The following RALYL variants were observed in gnomAD, a reference collection of about 807,000 sequenced individuals.
RALYL encodes RNA-binding Raly-like protein.
In RALYL, 29 loss-of-function variants were observed where a neutral mutation model predicts 35.1. The observed-to-expected ratio is 0.83, with a 90% CI of 0.61 to 1.13. RALYL has a LOEUF of 1.13. RALYL is among the 50% of genes most tolerant of loss of function. The pLI is 0.00. For missense variants in RALYL, 359 were observed against 360.4 expected (o/e 1.00, Z 0.03); for synonymous variants, 120 against 127.6 (o/e 0.94, Z 0.40).
At chr8:84,195,220 T>A (rs527450524) in intron 1 of RALYL, among the ~76,000 whole-genome samples, 2 of 152,110 alleles carry the variant, frequency 1.3e-5, no homozygotes, top group Non-Finnish European at 2.9e-5. Flanking sequence ...CGGGGATCTA[T>A]TATATGTAAG....
At chr8:84,786,189 C>T (rs975194402) in intron 3 of RALYL, among the ~76,000 whole-genome samples, 2 of 152,170 alleles carry the variant, frequency 1.3e-5, no homozygotes, top group South Asian at 4.1e-4. Flanking sequence ...TAGTATTCCA[C>T]AGTATACGTA....
At chr8:84,833,863 A>G (rs545719270) in intron 4 of RALYL, among the ~76,000 whole-genome samples, 164 of 151,716 alleles carry the variant, frequency 1.1e-3, no homozygotes, top group Middle Eastern at 3.5e-3. Context: ...AGACAATGAA[A>G]TTATTTGATA....
chr8:84,794,239 A>G (rs1821416066), intron 3 of RALYL, among the ~76,000 whole-genome samples: 1 of 152,250 alleles, frequency 6.6e-6, no homozygotes, highest in Non-Finnish European at 1.5e-5. Flanking sequence ...TCAAAAGACT[A>G]CAGAGTATTG....
At chr8:84,429,870 T>C (rs2046953723) in intron 1 of RALYL, among the ~76,000 whole-genome samples, 2 of 152,106 alleles carry the variant, frequency 1.3e-5, no homozygotes, top group Non-Finnish European at 2.9e-5. Context: ...CCACTATCAC[T>C]GGGGAATCGT....
chr8:84,667,019 TA>T (rs1270815153), intron 2 of RALYL, among the ~76,000 whole-genome samples: 6 of 152,150 alleles, frequency 3.9e-5, no homozygotes, highest in African/African-American at 9.6e-5. Context: ...AGGGTAAATT[TA>T]AGTTAAGTAA....
chr8:84,906,398 A>C (rs1002443160), intron 8 of RALYL, among the ~76,000 whole-genome samples: 1 of 152,168 alleles, frequency 6.6e-6, no homozygotes, highest in Admixed American at 6.6e-5. Context: ...ATACCAGGGC[A>C]AGAAATTTGT....
At chr8:84,496,394 A>G (rs1178943629) in intron 1 of RALYL, among the ~76,000 whole-genome samples, 1 of 152,162 alleles carries the variant, frequency 6.6e-6, no homozygotes, top group Non-Finnish European at 1.5e-5. Context: ...GGATGGCAGC[A>G]TTAGAATGCT....
intron 3 of RALYL, among the ~76,000 whole-genome samples, chr8:84,777,411 G>GA (rs35164002): frequency 6.6e-6 from 1 of 151,956 alleles, no homozygotes; most frequent in Non-Finnish European, 1.5e-5. Flanking sequence ...CACTACATAA[G>GA]AAAAAACAGA....
At chr8:84,221,923 A>G (rs1822316196) in intron 1 of RALYL, among the ~76,000 whole-genome samples, 1 of 152,100 alleles carries the variant, frequency 6.6e-6, no homozygotes, top group Admixed American at 6.6e-5. Flanking sequence ...TGTTTTATGC[A>G]TAATCTTAAG....
chr8:84,781,425 G>T (rs1266255435), intron 3 of RALYL, among the ~76,000 whole-genome samples: 1 of 152,132 alleles, frequency 6.6e-6, no homozygotes, highest in Non-Finnish European at 1.5e-5. Context: ...CTAAAGAATG[G>T]CCTATTTGCA....
intron 2 of RALYL, among the ~76,000 whole-genome samples, chr8:84,641,169 ACTTT>A (rs748297237): frequency 6.2e-4 from 93 of 151,190 alleles, no homozygotes; most frequent in Non-Finnish European, 8.7e-4. Context: ...TATATTGATA[ACTTT>A]CTTTATATCT....
intron 1 of RALYL, among the ~76,000 whole-genome samples, chr8:84,364,326 C>T (rs567958160): frequency 6.6e-5 from 10 of 152,092 alleles, no homozygotes; most frequent in East Asian, 5.8e-4. Flanking sequence ...ATACTGTGAC[C>T]GGCAAATGGT....
chr8:84,529,225 AG>A (rs1755245662), intron 1 of RALYL, 73 bp from the exon 2 acceptor site: 4 of 1,469,476 alleles, frequency 2.7e-6, no homozygotes, highest in Non-Finnish European at 3.7e-6. Context: ...ACTGTTAAAA[AG>A]CCACTGATAC....
At chr8:84,675,418 A>T (rs2131880046) in intron 2 of RALYL, among the ~76,000 whole-genome samples, 1 of 152,150 alleles carries the variant, frequency 6.6e-6, no homozygotes, top group East Asian at 1.9e-4. Flanking sequence ...CTCCTTAAAT[A>T]GGAGATAGGC....
At chr8:84,639,035 T>C (rs1825769649) in intron 2 of RALYL, among the ~76,000 whole-genome samples, 1 of 149,020 alleles carries the variant, frequency 6.7e-6, no homozygotes, top group Non-Finnish European at 1.5e-5. Flanking sequence ...TAATGTATTA[T>C]ATTAGGCCTC....
At chr8:84,362,483 C>T (rs2131282990) in intron 1 of RALYL, among the ~76,000 whole-genome samples, 1 of 152,186 alleles carries the variant, frequency 6.6e-6, no homozygotes, top group African/African-American at 2.4e-5. Context: ...CTGGGTGGCA[C>T]AGCAGGAGGC....
At chr8:84,601,200 A>G (rs1040217162) in intron 2 of RALYL, among the ~76,000 whole-genome samples, 5 of 152,144 alleles carry the variant, frequency 3.3e-5, no homozygotes, top group Admixed American at 1.3e-4. Context: ...TGTGTTATGT[A>G]TGACCTACAT....
intron 2 of RALYL, among the ~76,000 whole-genome samples, chr8:84,702,574 T>C (rs1840401137): frequency 6.7e-6 from 1 of 148,554 alleles, no homozygotes; most frequent in African/African-American, 2.5e-5. Context: ...CACTCATTCT[T>C]TCCCTTTCTC....
intron 1 of RALYL, among the ~76,000 whole-genome samples, chr8:84,186,866 A>C (rs1293107844): frequency 1.3e-5 from 2 of 152,138 alleles, no homozygotes. Context: ...TACAACTCTT[A>C]AACTGGCCAC....
Sources: allele counts gnomAD v4.1 joint callset (sites outside exome capture counted in the v4.1 genomes callset), GRCh38; gene constraint gnomAD v4.1.1; transcripts MANE v1.5; gene names NCBI Gene and HGNC (gene_info 2026-07-23, HGNC 2026-07-21).